The following PAN2 variants were observed in gnomAD, a reference collection of about 807,000 sequenced individuals.
PAN2 encodes the protein poly(A) specific ribonuclease subunit PAN2, also known as PAN2-PAN3 deadenylation complex catalytic subunit PAN2.
Under a neutral mutation model 133.3 loss-of-function variants are expected in PAN2, and 68 were observed. The ratio of observed to expected loss-of-function variants is 0.51; its 90% CI spans 0.42 to 0.62. The LOEUF (loss-of-function observed/expected upper bound fraction) is 0.62. Ranked by LOEUF, PAN2 falls within the 20% of genes least tolerant of loss-of-function variation. The pLI is 0.00. For missense variants in PAN2, 1,042 were observed against 1,500.5 expected (o/e 0.69, Z 5.05); for synonymous variants, 462 against 544.6 (o/e 0.85, Z 2.11).
Position 56,328,004 on chromosome 12 carries a change from C to T in PAN2, c.642G>A (p.Thr214=), listed in dbSNP as rs574661541. The T allele has an allele frequency of 3.5e-5, 56 of 1,613,880 alleles. No homozygotes were observed. The highest frequency in any genetic ancestry group is 4.5e-5 in the Non-Finnish European group (53 of 1,179,872). Residue 214 remains threonine (T), a synonymous_variant, in exon 5 of 26, where the codon ACG becomes ACA. Coordinates refer to ENST00000440411, the MANE Select transcript of PAN2 (RefSeq NM_014871.6). The part of the protein sequence containing the change: ...QTNRFFFCGH[T]SGKVSLRDLR... ...AATGGAACTTGGCCACCTTGCCAGA[C>T]GTGTGGCCGCAGAAGAAGAAGCGAT...
intron 10 of PAN2, 42 bp from the exon 11 acceptor site, chr12:56,324,751 G>T: frequency 6.3e-7 from 1 of 1,591,322 alleles, no homozygotes; most frequent in South Asian, 1.1e-5. Flanking sequence ...AAACTGGCCT[G>T]GGGGTGAGGA....
chr12:56,330,987 C>T (rs1195725977), intron 2 of PAN2, among the ~76,000 whole-genome samples: 7 of 151,572 alleles, frequency 4.6e-5, no homozygotes, highest in South Asian at 2.1e-4. Context: ...TCAGTAGAGA[C>T]GGGGGTTTCA....
chr12:56,322,838 TG>T, intron 17 of PAN2, 80 bp from the exon 18 acceptor site: 3 of 695,276 alleles, frequency 4.3e-6, no homozygotes, highest in Non-Finnish European at 4.3e-6. Context: ...GACAGGGAGT[TG>T]GGGGTATGGG....
At chr12:56,323,944 T>G (rs1266108409) in intron 13 of PAN2, 31 bp from the exon 14 acceptor site, 1 of 1,605,256 alleles carries the variant, frequency 6.2e-7, no homozygotes, top group Non-Finnish European at 8.5e-7. Flanking sequence ...ATACTCCTGG[T>G]TCTCCCCTCT....
rs1876195946 is a variant in PAN2 at position 56,333,911 on chromosome 12, T to G, written c.-164A>C. On this transcript the variant is annotated 5_prime_UTR_variant, in exon 1 of 26. Coordinates refer to ENST00000440411, the MANE Select transcript of PAN2 (RefSeq NM_014871.6). ...TTGGAGCGCGTGGAATTAGAACGAG[T>G]AGGGGGAGCGCAAGCGCTGTCAGCT... 1 of 152,044 alleles carries G rather than the reference T, an allele frequency of 6.6e-6. No homozygotes were observed. The highest frequency in any genetic ancestry group is 2.4e-5 in the African/African-American group (1 of 41,362). The allele number at this position is 152,044 out of a possible 1,614,324, so 9.4% of individuals were successfully genotyped here.
intron 2 of PAN2, among the ~76,000 whole-genome samples, chr12:56,330,361 T>C (rs1324878733): frequency 9.9e-6 from 1 of 101,130 alleles, no homozygotes; most frequent in African/African-American, 3.7e-5. Flanking sequence ...TTCTTTTTTT[T>C]TTTTTTTTTT....
In PAN2 at chr12:56,333,971, A is replaced by T. The variant is rs932597417; in HGVS notation, c.-224T>A. On this transcript the variant is annotated 5_prime_UTR_variant, in exon 1 of 26. Coordinates refer to ENST00000440411, the MANE Select transcript of PAN2 (RefSeq NM_014871.6). ...ATTCCAGTTTCCCCAGTTCTCCCCC[A>T]CGCCTAGGGCTCAACCTAACCACTA... 1 of 152,164 alleles carries T rather than the reference A, an allele frequency of 6.6e-6. No homozygotes were observed. The highest frequency in any genetic ancestry group is 2.4e-5 in the African/African-American group (1 of 41,452). The allele number at this position is 152,164 out of a possible 1,614,324, so 9.4% of individuals were successfully genotyped here. A position where few individuals can be genotyped will look rare whatever the true frequency, so the allele number is the denominator to read the frequency against.
chr12:56,331,725 T>TTG (rs1875889728), intron 2 of PAN2, among the ~76,000 whole-genome samples: 3 of 152,072 alleles, frequency 2.0e-5, no homozygotes, highest in Non-Finnish European at 4.4e-5. Flanking sequence ...GTTTTTTGTT[T>TTG]TTTTTTGAGA....
Position 56,323,809 on chromosome 12 carries a change from T to C in PAN2, c.2170A>G (p.Thr724Ala). 1.2e-6 allele frequency: 2 copies of C among 1,608,288 alleles called. No individual in the cohort carries two copies. The highest frequency in any genetic ancestry group is 2.2e-5 in the South Asian group (2 of 90,966). Reference sequence around the variant, plus strand: ...GTCCAGTCCAACAGTCCACTCACCGTGGGCTGGTACTTTTCACAGGTGTCA... The same window carrying C: ...GTCCAGTCCAACAGTCCACTCACCGCGGGCTGGTACTTTTCACAGGTGTCA... ...WCDTCEKYQP[T>A]IQTRNIRHLP... Residue 724 changes from threonine (T) to alanine (A), a missense_variant and splice_region_variant, in exon 14 of 26, where the codon ACG (threonine) becomes GCG (alanine). By Grantham distance (58) the Thr-to-Ala change is moderately conservative (BLOSUM62 0). Transcript: ENST00000440411.
Position 56,323,395 on chromosome 12 carries a change from A to G in PAN2, c.2272-11T>C. ...CATCTTGAAGGCAACCTGAACACAGAAGAAAAACATCCAGTTCTTCAGGAA... is the reference window on the plus strand; with the variant it reads ...CATCTTGAAGGCAACCTGAACACAGGAGAAAAACATCCAGTTCTTCAGGAA... On this transcript the variant is annotated splice_polypyrimidine_tract_variant and intron_variant, in intron 15 of 25. Coordinates refer to ENST00000440411, the MANE Select transcript of PAN2 (RefSeq NM_014871.6). 1 of 1,612,602 alleles carries G rather than the reference A, an allele frequency of 6.2e-7. No individual in the cohort carries two copies.
chr12:56,319,610 T>A lies in PAN2; in HGVS notation c.3090+11A>T. The A allele has an allele frequency of 6.2e-7, 1 of 1,601,828 alleles. No homozygotes were observed. Among genetic ancestry groups the A allele is most frequent in the Non-Finnish European group, 8.5e-7 (1 of 1,174,278 alleles). The stretch of plus-strand genomic sequence containing the variant: ...AGGGTGTGCCTCACTTGCATCTCCA[T>A]ATCCTAATACCTGCTCCTGGGTAGA... On this transcript the variant is annotated intron_variant, in intron 22 of 25. Transcript: ENST00000440411. This position sits in a 1 kb window ranked among gnomAD's most constrained non-coding sequence, Gnocchi z 5.4.
rs553414233 is a variant in PAN2 at position 56,322,035 on chromosome 12, A to G, written c.2788+43T>C. The G allele has an allele frequency of 2.3e-5, 25 of 1,072,972 alleles. No homozygotes were observed. The South Asian group carries it at 2.7e-4, about 12-fold the overall frequency. 66.5% of individuals were successfully genotyped at this position (1,072,972 alleles called of 1,614,324 possible). On this transcript the variant is annotated intron_variant, in intron 20 of 25. Transcript: ENST00000440411. ...GTCCCAGATCTCACCCTGAAGCCCAATCTAAACTGTCCACACACTTGGGTC... is the reference window on the plus strand; with the variant it reads ...GTCCCAGATCTCACCCTGAAGCCCAGTCTAAACTGTCCACACACTTGGGTC...
intron 6 of PAN2, among the ~76,000 whole-genome samples, 199 bp downstream of exon 6, chr12:56,327,165 A>G (rs1180352901): frequency 1.3e-5 from 2 of 152,334 alleles, no homozygotes; most frequent in Non-Finnish European, 1.5e-5. Context: ...TGCCTACTTT[A>G]TCTTTACCTT....
Position 56,318,585 on chromosome 12 carries a change from T to C in PAN2, c.3365-151A>G, listed in dbSNP as rs572797459. 5.4e-5 allele frequency: 33 copies of C among 614,588 alleles called. No individual in the cohort carries two copies. The South Asian group carries it at 6.4e-4, about 12-fold the overall frequency. The allele number at this position is 614,588 out of a possible 1,614,324, so 38.1% of individuals were successfully genotyped here. On this transcript the variant is annotated intron_variant, in intron 24 of 25. Coordinates refer to ENST00000440411, the MANE Select transcript of PAN2 (RefSeq NM_014871.6). ...CTTCCTCAGTGCACAGAAGGGATAT[T>C]GAAGTTAATTAAATCCATTAGTAAC... is the stretch of plus-strand genomic sequence containing the variant.
At chr12:56,331,934 C>T (rs1388852186) in intron 2 of PAN2, among the ~76,000 whole-genome samples, 1 of 151,946 alleles carries the variant, frequency 6.6e-6, no homozygotes, top group Admixed American at 6.5e-5. Flanking sequence ...AGGATGGTCT[C>T]GATCTCCTGA....
At chr12:56,327,843 ATAG>A in intron 5 of PAN2, 149 bp downstream of exon 5, 1 of 1,395,474 alleles carries the variant, frequency 7.2e-7, no homozygotes. Context: ...AAATAATCTC[ATAG>A]TAGAACATCA....
chr12:56,331,952 A>T (rs1396291624), intron 2 of PAN2, among the ~76,000 whole-genome samples: 1 of 152,102 alleles, frequency 6.6e-6, no homozygotes, highest in African/African-American at 2.4e-5. Flanking sequence ...TGACCTCGTG[A>T]TCCGCCTGCC....
In PAN2 at chr12:56,332,974, G is replaced by T. The variant is rs1165958234; in HGVS notation, c.121C>A (p.Pro41Thr). ...AGAGCCTCCAAGGCCACTCCCTCTG[G>T]GTCCAGCTCCACATTCTGTAGCAGA... is the stretch of plus-strand genomic sequence containing the variant. The part of the protein sequence containing the change: ...PSLLQNVELD[P>T]EGVALEALPV... Residue 41 changes from proline (P) to threonine (T), a missense_variant, in exon 2 of 26, where the codon CCA becomes ACA. This residue lies in a region of PAN2 where 908 missense variants were observed against 1,223.5 expected (regional missense o/e 0.74). Transcript: ENST00000440411. 6.2e-7 allele frequency: 1 copy of T among 1,614,146 alleles called. No individual in the cohort carries two copies. Among genetic ancestry groups the T allele is most frequent in the Non-Finnish European group, 8.5e-7 (1 of 1,180,010 alleles).
In PAN2 at chr12:56,325,383, T is replaced by C. The variant is rs772508779; in HGVS notation, c.1431A>G (p.Gly477=). 212 of 1,614,044 alleles carry C rather than the reference T, an allele frequency of 1.3e-4. No homozygotes were observed. Among genetic ancestry groups the C allele is most frequent in the Non-Finnish European group, 1.7e-4 (206 of 1,179,976 alleles). The change falls in exon 9 of 26, where the codon GGA becomes GGG. Residue 477 remains glycine, a synonymous_variant. Transcript: ENST00000440411. The part of the protein sequence containing the change: ...SFSQVTESPV[G]REEEPHLHMV... The stretch of plus-strand genomic sequence containing the variant: ...TGTGGAGATGTGGTTCCTCTTCTCG[T>C]CCTACTGGTGACTCAGTGACCTGGC...
Sources: allele counts gnomAD v4.1 joint callset (sites outside exome capture counted in the v4.1 genomes callset), GRCh38; gene constraint gnomAD v4.1.1; regional missense constraint gnomAD v4.1.1; non-coding constraint Gnocchi (gnomAD v3.1); transcripts MANE v1.5; gene names NCBI Gene and HGNC (gene_info 2026-07-23, HGNC 2026-07-21).